FHIT: variants seen among roughly 807,000 people sequenced by gnomAD.
The protein encoded by FHIT is bis(5'-adenosyl)-triphosphatase.
In FHIT, 19 loss-of-function variants were observed where a neutral mutation model predicts 17.9. That is an observed-to-expected ratio of 1.06 (90% CI 0.74 to 1.56). The LOEUF (loss-of-function observed/expected upper bound fraction) is 1.56, where lower values mean the gene tolerates loss of function less well. Among genes scored for constraint, FHIT ranks in the 40% most tolerant of loss-of-function variants. The pLI is 0.00. For missense variants in FHIT, 248 were observed against 189.2 expected (o/e 1.31, Z -1.82); for synonymous variants, 81 against 69.7 (o/e 1.16, Z -0.81).
chr3:60,131,676 C>G (rs1215058627), intron 5 of FHIT, among the ~76,000 whole-genome samples: 1 of 152,066 alleles, frequency 6.6e-6, no homozygotes, highest in African/African-American at 2.4e-5. Context: ...CTCTTTCAAT[C>G]CTGTCCCCAA....
At chr3:60,177,791 C>A (rs1701746380) in intron 5 of FHIT, among the ~76,000 whole-genome samples, 1 of 152,182 alleles carries the variant, frequency 6.6e-6, no homozygotes, top group Admixed American at 6.5e-5. Context: ...ACTTCTTTTT[C>A]TCTGAAAAGG....
At position 61,072,578 on chromosome 3, in the gene FHIT, G is replaced by A. The variant is rs559248403; in HGVS notation, c.-163-30479C>T. On this transcript the variant is annotated intron_variant, in intron 2 of 9. Coordinates refer to ENST00000492590, the MANE Select transcript of FHIT (RefSeq NM_002012.4). The stretch of plus-strand genomic sequence containing the variant: ...ACTTGGACCATTAGAGGACAAGCCT[G>A]CAAAGAAAAGTAACACCTGAAAGAG... Among the ~76,000 whole-genome samples, 11 of 152,260 alleles carry A rather than the reference G, an allele frequency of 7.2e-5. No homozygotes were observed. In the South Asian group the frequency reaches 2.1e-3, roughly 29 times the overall value.
In FHIT at chr3:60,687,303, G is replaced by T. The variant is rs539334486; in HGVS notation, c.-18+134616C>A. 1.8e-4 allele frequency among the ~76,000 whole-genome samples: 27 copies of T among 152,088 alleles called. No homozygotes were observed. In the South Asian group the frequency reaches 4.6e-3, roughly 26 times the overall value. ...TCCTTTAATAATGAAAGTTCTCAGG[G>T]CTATTAATTTTCTGCTAAATACAGC... On this transcript the variant is annotated intron_variant, in intron 4 of 9. Transcript: ENST00000492590.
chr3:60,779,351 A>G (rs13096204), intron 4 of FHIT, among the ~76,000 whole-genome samples: 67,523 of 152,002 alleles, frequency 0.44, 15,904 homozygotes, highest in African/African-American at 0.54. Flanking sequence ...AGCAATCTCC[A>G]GCTGCAGCTC....
intron 5 of FHIT, among the ~76,000 whole-genome samples, chr3:60,524,225 C>G (rs371427247): frequency 0.14 from 15,370 of 106,968 alleles, 1,048 homozygotes; most frequent in East Asian, 0.26. Flanking sequence ...CACACACACA[C>G]ACACACACAC....
At chr3:61,038,995 G>A (rs185696670) in intron 3 of FHIT, among the ~76,000 whole-genome samples, 1 of 151,938 alleles carries the variant, frequency 6.6e-6, no homozygotes, top group East Asian at 1.9e-4. Context: ...TAGATAATAT[G>A]GAAATTAATT....
chr3:59,884,960 T>G (rs1380146826), intron 8 of FHIT, among the ~76,000 whole-genome samples: 1 of 152,152 alleles, frequency 6.6e-6, no homozygotes, highest in East Asian at 1.9e-4. Context: ...AAAAATGAAC[T>G]TAAGTCAACT....
chr3:60,646,358 T>C (rs985567053), intron 4 of FHIT, among the ~76,000 whole-genome samples: 5 of 152,190 alleles, frequency 3.3e-5, no homozygotes, highest in Non-Finnish European at 5.9e-5. Flanking sequence ...ATTCTGCCCA[T>C]GTCCATTTGA....
chr3:61,087,491 T>C (rs1345659744), intron 2 of FHIT, among the ~76,000 whole-genome samples: 1 of 152,168 alleles, frequency 6.6e-6, no homozygotes, highest in African/African-American at 2.4e-5. Flanking sequence ...GTAGAATCCA[T>C]TCGATAATAT....
chr3:59,971,665 G>C (rs1249234622), intron 7 of FHIT, among the ~76,000 whole-genome samples: 1 of 152,098 alleles, frequency 6.6e-6, no homozygotes, highest in Non-Finnish European at 1.5e-5. Context: ...AAAGGGTCTT[G>C]GAAGTTTAGA....
chr3:60,711,598 A>T (rs1230460345), intron 4 of FHIT, among the ~76,000 whole-genome samples: 9 of 152,258 alleles, frequency 5.9e-5, no homozygotes, highest in Non-Finnish European at 1.2e-4. Context: ...ATGGAGTTCA[A>T]AGCCAAGGCT....
At chr3:59,767,144 G>A (rs1296157984) in intron 8 of FHIT, among the ~76,000 whole-genome samples, 2 of 152,126 alleles carry the variant, frequency 1.3e-5, no homozygotes, top group Non-Finnish European at 2.9e-5. Flanking sequence ...GTCAGATTCT[G>A]GACTCGATCC....
At chr3:61,237,778 G>A (rs1253841407) in intron 1 of FHIT, among the ~76,000 whole-genome samples, 2 of 152,146 alleles carry the variant, frequency 1.3e-5, no homozygotes, top group Admixed American at 1.3e-4. Context: ...CATTTTACAG[G>A]AAAGCGAAGC....
At chr3:60,808,219 A>G (rs1701463450) in intron 4 of FHIT, among the ~76,000 whole-genome samples, 1 of 152,208 alleles carries the variant, frequency 6.6e-6, no homozygotes, top group Non-Finnish European at 1.5e-5. Flanking sequence ...TTTCAAAGGT[A>G]GTGTGATATG....
intron 5 of FHIT, among the ~76,000 whole-genome samples, chr3:60,223,918 T>C (rs1704072480): frequency 6.6e-6 from 1 of 152,170 alleles, no homozygotes; most frequent in Admixed American, 6.5e-5. Flanking sequence ...TCTGTGCCCG[T>C]GCTGCGTCCT....
intron 3 of FHIT, among the ~76,000 whole-genome samples, chr3:61,039,450 C>T (rs550851262): frequency 6.2e-4 from 94 of 152,044 alleles, no homozygotes; most frequent in Middle Eastern, 3.4e-3. Flanking sequence ...TTAAAACTTG[C>T]GAGGGATTTC....
intron 4 of FHIT, among the ~76,000 whole-genome samples, chr3:60,599,731 C>T (rs2038383128): frequency 6.6e-6 from 1 of 150,734 alleles, no homozygotes; most frequent in Admixed American, 6.6e-5. Flanking sequence ...CTAATGGTAC[C>T]AGCACATACA....
chr3:61,193,592 A>G (rs1274444844), intron 2 of FHIT, among the ~76,000 whole-genome samples: 1 of 152,194 alleles, frequency 6.6e-6, no homozygotes, highest in Non-Finnish European at 1.5e-5. Context: ...AGAACTTCCC[A>G]ACATTTAGAG....
intron 5 of FHIT, among the ~76,000 whole-genome samples, chr3:60,223,635 T>C (rs1177755764): frequency 1.3e-5 from 2 of 152,192 alleles, no homozygotes; most frequent in Non-Finnish European, 2.9e-5. Context: ...TGCTAGTTTT[T>C]ATACCATTAG....
Sources: gnomAD v4.1 joint callset for allele counts (sites outside exome capture counted in the v4.1 genomes callset) on GRCh38, gnomAD v4.1.1 for gene constraint, MANE v1.5 for transcripts, NCBI Gene and HGNC (gene_info 2026-07-23, HGNC 2026-07-21) for gene names.